PRKN: variants seen among roughly 807,000 people sequenced by gnomAD.
PRKN encodes the protein E3 ubiquitin-protein ligase parkin.
Under a neutral mutation model 59.5 loss-of-function variants are expected in PRKN, and 56 were observed. The observed-to-expected ratio is 0.94, with a 90% CI of 0.76 to 1.18. The LOEUF (loss-of-function observed/expected upper bound fraction) is 1.18, where lower values mean the gene tolerates loss of function less well. Ranked by LOEUF, PRKN falls within the 50% of genes most tolerant of loss-of-function variation. The pLI, the probability that PRKN is intolerant of heterozygous loss-of-function variation, is 0.00. For missense variants in PRKN, 657 were observed against 596.4 expected, an observed-to-expected ratio of 1.10 and a Z score of -1.06; for synonymous variants, 250 against 222.1, an observed-to-expected ratio of 1.13 and a Z score of -1.12.
At chr6:162,387,110 C>G (rs1447086604) in intron 2 of PRKN, among the ~76,000 whole-genome samples, 1 of 151,298 alleles carries the variant, frequency 6.6e-6, no homozygotes, top group Admixed American at 6.6e-5. Flanking sequence ...AGGGTGCACA[C>G]TACAAAATAT....
At chr6:161,692,020 T>G (rs1785817164) in intron 7 of PRKN, among the ~76,000 whole-genome samples, 1 of 151,146 alleles carries the variant, frequency 6.6e-6, no homozygotes, top group Admixed American at 6.6e-5. Context: ...GTGCTCAATT[T>G]TTATCTCTCT....
intron 1 of PRKN, among the ~76,000 whole-genome samples, chr6:162,648,130 GTATTA>G (rs1381092053): frequency 1.3e-5 from 2 of 151,994 alleles, no homozygotes; most frequent in East Asian, 1.9e-4. Context: ...TAAAATGGCA[GTATTA>G]TATAACTCTA....
intron 1 of PRKN, among the ~76,000 whole-genome samples, chr6:162,458,644 CTTT>C (rs71670667): frequency 1.1e-4 from 15 of 137,474 alleles, no homozygotes; most frequent in Middle Eastern, 3.8e-3. Flanking sequence ...TTTTTGTTGC[CTTT>C]TTTTTTTTTT....
intron 7 of PRKN, among the ~76,000 whole-genome samples, chr6:161,654,410 G>A (rs758539763): frequency 2.4e-4 from 36 of 152,166 alleles, no homozygotes; most frequent in African/African-American, 6.0e-4. Flanking sequence ...CCGGGAGGAC[G>A]CACTGATGAC....
In PRKN at chr6:161,579,203, G is replaced by T. The variant is rs1781246861; in HGVS notation, c.872-9787C>A. On this transcript the variant is annotated intron_variant, in intron 7 of 11. Coordinates refer to ENST00000366898, the MANE Select transcript of PRKN (RefSeq NM_004562.3). This position sits in a 1 kb window ranked among gnomAD's most constrained non-coding sequence, Gnocchi z 4.2. ...AATATGTTTTTCCACAGATTATGGTGGTTGGTTGGTTACCTGAGTGAAAAT... is the reference window on the plus strand; with the variant it reads ...AATATGTTTTTCCACAGATTATGGTTGTTGGTTGGTTACCTGAGTGAAAAT... 6.6e-6 allele frequency among the ~76,000 whole-genome samples: 1 copy of T among 152,222 alleles called. No individual in the cohort carries two copies. Among genetic ancestry groups the T allele is most frequent in the Non-Finnish European group, 1.5e-5 (1 of 68,038 alleles).
intron 4 of PRKN, among the ~76,000 whole-genome samples, chr6:162,094,252 G>A (rs574730369): frequency 6.6e-6 from 1 of 152,264 alleles, no homozygotes; most frequent in South Asian, 2.1e-4. Context: ...CACGTTGGGA[G>A]CCTGAGGTGG....
intron 7 of PRKN, among the ~76,000 whole-genome samples, chr6:161,695,283 T>C (rs916548973): frequency 4.6e-5 from 7 of 152,102 alleles, no homozygotes; most frequent in Non-Finnish European, 1.0e-4. Flanking sequence ...GCCAAGAAAA[T>C]TGTTTTCAAC....
chr6:162,427,313 C>T (rs1469502070), intron 2 of PRKN, among the ~76,000 whole-genome samples: 1 of 152,016 alleles, frequency 6.6e-6, no homozygotes, highest in Non-Finnish European at 1.5e-5. Context: ...AATACCACAC[C>T]CAGGAATTGG....
At chr6:161,818,659 C>A (rs771976645) in intron 6 of PRKN, among the ~76,000 whole-genome samples, 1 of 151,916 alleles carries the variant, frequency 6.6e-6, no homozygotes, top group Non-Finnish European at 1.5e-5. Context: ...CAGAATTTAG[C>A]AAGTTTGGAA....
chr6:161,443,910 T>G (rs962207991), intron 9 of PRKN, among the ~76,000 whole-genome samples: 3 of 152,202 alleles, frequency 2.0e-5, no homozygotes, highest in Non-Finnish European at 4.4e-5. Context: ...GCTGCCTAAT[T>G]GCAGTCATTA....
At position 162,140,513 on chromosome 6, in the gene PRKN, T is replaced by C. The variant is rs76849101; in HGVS notation, c.534+60618A>G. ...GAGGGAGAGAATGTGTGTGTGTATATGTGTGTGTGGTTTAGACGGCACCAG... is the reference window on the plus strand; with the variant it reads ...GAGGGAGAGAATGTGTGTGTGTATACGTGTGTGTGGTTTAGACGGCACCAG... On this transcript the variant is annotated intron_variant, in intron 4 of 11. Coordinates refer to ENST00000366898, the MANE Select transcript of PRKN (RefSeq NM_004562.3). 4.8e-3 allele frequency among the ~76,000 whole-genome samples: 725 copies of C among 152,272 alleles called. 6 individuals carry two copies. Among genetic ancestry groups the C allele is most frequent in the African/African-American group, 0.016 (680 of 41,556 alleles).
chr6:162,669,416 G>A (rs977191674), intron 1 of PRKN, among the ~76,000 whole-genome samples: 26 of 152,236 alleles, frequency 1.7e-4, no homozygotes, highest in Middle Eastern at 3.4e-3. Context: ...TAGAGATCTG[G>A]ATGGTAAGCT....
chr6:162,452,568 T>C (rs1369716543), intron 1 of PRKN, among the ~76,000 whole-genome samples: 2 of 152,032 alleles, frequency 1.3e-5, no homozygotes, highest in Non-Finnish European at 2.9e-5. Flanking sequence ...ATATTTCTTA[T>C]AGTAAAAATC....
chr6:162,437,108 T>A (rs950550596), intron 2 of PRKN, among the ~76,000 whole-genome samples: 1 of 142,100 alleles, frequency 7.0e-6, no homozygotes, highest in Middle Eastern at 3.6e-3. Flanking sequence ...AATAAATAAA[T>A]AAATAAAAAA....
In PRKN at chr6:161,386,493, A is replaced by T. The variant is rs1473456298; in HGVS notation, c.1167+301T>A. Reference sequence around the variant, plus strand: ...GATTTCTCTGATTTAGACACTGTTAAGTTGTTTTATTTCCCCTCTAAGGAC... The same window carrying T: ...GATTTCTCTGATTTAGACACTGTTATGTTGTTTTATTTCCCCTCTAAGGAC... On this transcript the variant is annotated intron_variant, in intron 10 of 11. Coordinates refer to ENST00000366898, the MANE Select transcript of PRKN (RefSeq NM_004562.3). The surrounding 1 kb of genome is among the most constrained non-coding windows in gnomAD (Gnocchi z 4.3). 6.6e-6 allele frequency among the ~76,000 whole-genome samples: 1 copy of T among 150,858 alleles called. No homozygotes were observed. Among genetic ancestry groups the T allele is most frequent in the Non-Finnish European group, 1.5e-5 (1 of 68,016 alleles).
intron 1 of PRKN, among the ~76,000 whole-genome samples, chr6:162,679,764 T>C (rs187520045): frequency 2.5e-3 from 381 of 152,266 alleles, no homozygotes; most frequent in Non-Finnish European, 4.2e-3. Flanking sequence ...TCAGTATCAA[T>C]ACCAAGGAAG....
chr6:161,465,147 C>G (rs992785159), intron 9 of PRKN, among the ~76,000 whole-genome samples: 4 of 152,302 alleles, frequency 2.6e-5, no homozygotes, highest in Middle Eastern at 3.4e-3. Context: ...TTCATACCGT[C>G]GAGACTGGCC....
At chr6:162,726,494 AG>A (rs1388395463) in intron 1 of PRKN, among the ~76,000 whole-genome samples, 3 of 152,210 alleles carry the variant, frequency 2.0e-5, no homozygotes, top group African/African-American at 7.2e-5. Context: ...CATGCTAGAA[AG>A]GGAAGAAAAG....
At position 161,912,245 on chromosome 6, in the gene PRKN, C is replaced by T. The variant is rs567338809; in HGVS notation, c.734+61057G>A. Among the ~76,000 whole-genome samples, 36 of 151,506 alleles carry T rather than the reference C, an allele frequency of 2.4e-4. 1 individual carries two copies. The South Asian group carries it at 5.0e-3, about 21-fold the overall frequency. On this transcript the variant is annotated intron_variant, in intron 6 of 11. Coordinates refer to ENST00000366898, the MANE Select transcript of PRKN (RefSeq NM_004562.3). ...TTGCACTGGTGATATCTTCCTTGAG[C>T]GGACGTTAAAACCAGAAGCCATAAA...
Sources: gnomAD v4.1 joint callset for allele counts (sites outside exome capture counted in the v4.1 genomes callset) on GRCh38, gnomAD v4.1.1 for gene constraint, Gnocchi (gnomAD v3.1) non-coding constraint, MANE v1.5 for transcripts, NCBI Gene and HGNC (gene_info 2026-07-23, HGNC 2026-07-21) for gene names.